TRHDE: variants seen among roughly 807,000 people sequenced by gnomAD.
TRHDE encodes thyrotropin releasing hormone degrading enzyme.
TRHDE carries 72 observed loss-of-function variants against 125.7 expected under a neutral mutation model. The ratio of observed to expected loss-of-function variants is 0.57; its 90% confidence interval spans 0.47 to 0.70. The LOEUF (loss-of-function observed/expected upper bound fraction) is 0.70, where lower values mean the gene tolerates loss of function less well. Among genes scored for constraint, TRHDE ranks in the 30% least tolerant of loss-of-function variants. The pLI, the probability that TRHDE is intolerant of heterozygous loss-of-function variation, is 0.00. For missense variants in TRHDE, 1,110 were observed against 1,327.1 expected, an observed-to-expected ratio of 0.84 and a Z score of 2.54; for synonymous variants, 509 against 509.1, an observed-to-expected ratio of 1.00 and a Z score of 0.00.
chr12:72,295,162 G>C (rs1210086107), intron 2 of TRHDE, among the ~76,000 whole-genome samples: 9 of 147,102 alleles, frequency 6.1e-5, no homozygotes, highest in African/African-American at 2.2e-4. Context: ...TTGGGGGGTG[G>C]GAGGGGTTGC....
At position 72,327,442 on chromosome 12, in the gene TRHDE, T is replaced by C. The variant is rs1234477854; in HGVS notation, c.1188+40488T>C. 2.0e-5 allele frequency among the ~76,000 whole-genome samples: 3 copies of C among 152,182 alleles called. No individual in the cohort carries two copies. The South Asian group carries it at 6.2e-4, about 31-fold the overall frequency. Reference sequence around the variant, plus strand: ...TCTCCTGGTTAAAGAATTTAGGTTATGTTTATGATGTTCTAAAACTGTTTG... The same window carrying C: ...TCTCCTGGTTAAAGAATTTAGGTTACGTTTATGATGTTCTAAAACTGTTTG... On this transcript the variant is annotated intron_variant, in intron 2 of 18. Transcript: ENST00000261180.
At chr12:72,208,652 T>C (rs1021299964) in intron 2 of TRHDE, among the ~76,000 whole-genome samples, 2 of 152,212 alleles carry the variant, frequency 1.3e-5, no homozygotes, top group Admixed American at 1.3e-4. Context: ...ATAATAATAG[T>C]ATCTATCTCA....
intron 18 of TRHDE, among the ~76,000 whole-genome samples, chr12:72,658,212 A>G (rs1268338858): frequency 6.6e-6 from 1 of 152,222 alleles, no homozygotes; most frequent in Non-Finnish European, 1.5e-5. Flanking sequence ...AAAGGAAGCT[A>G]AATGGAAAGG....
chr12:72,499,066 G>T (rs1878037726), intron 5 of TRHDE, among the ~76,000 whole-genome samples: 1 of 151,912 alleles, frequency 6.6e-6, no homozygotes, highest in Non-Finnish European at 1.5e-5. Flanking sequence ...AATGTTACTA[G>T]AAATCATGGT....
rs535191054 is a variant in TRHDE, at chr12:72,103,595, C to T, written n.175-2053C>T. Among the ~76,000 whole-genome samples the T allele has an allele frequency of 5.9e-5, 9 of 152,194 alleles. No homozygotes were observed. In the South Asian group the frequency reaches 1.9e-3, roughly 32 times the overall value. On this transcript the variant is annotated intron_variant and non_coding_transcript_variant, in intron 1 of 4. Coordinates refer to the TRHDE transcript ENST00000548156. ...ATGAGGAATAGAGGCATCTATTTTT[C>T]TGTGTTTCCACAGTCCTCATTCCTT...
intron 10 of TRHDE, among the ~76,000 whole-genome samples, chr12:72,568,864 C>A (rs1870584850): frequency 6.6e-6 from 1 of 152,002 alleles, no homozygotes; most frequent in Non-Finnish European, 1.5e-5. Context: ...TTATTTGTTT[C>A]TTTAATGGTA....
intron 15 of TRHDE, among the ~76,000 whole-genome samples, chr12:72,647,553 A>C (rs1874331647): frequency 1.3e-5 from 2 of 152,020 alleles, no homozygotes; most frequent in South Asian, 4.1e-4. Context: ...TTAATGAAAA[A>C]GAGAGAAGAC....
At chr12:72,135,547 A>ATT (rs1179034050) in intron 2 of TRHDE, among the ~76,000 whole-genome samples, 3 of 147,236 alleles carry the variant, frequency 2.0e-5, no homozygotes, top group Non-Finnish European at 4.5e-5. Context: ...GTGTGTAAAC[A>ATT]TGTTTTTTTT....
At chr12:72,240,611 C>T (rs972240351) in intron 2 of TRHDE, among the ~76,000 whole-genome samples, 8 of 151,816 alleles carry the variant, frequency 5.3e-5, no homozygotes, top group African/African-American at 1.9e-4. Context: ...ACTTTGTCAC[C>T]CAGGCTGGAG....
chr12:72,624,606 A>G (rs1002773430), intron 15 of TRHDE, among the ~76,000 whole-genome samples: 1 of 151,940 alleles, frequency 6.6e-6, no homozygotes, highest in Non-Finnish European at 1.5e-5. Context: ...CAAAAAGTAC[A>G]ATGAATAGCT....
intron 2 of TRHDE, among the ~76,000 whole-genome samples, chr12:72,213,438 C>A (rs1442657994): frequency 6.6e-6 from 1 of 152,130 alleles, no homozygotes; most frequent in African/African-American, 2.4e-5. Flanking sequence ...TTAAATGCTA[C>A]AATAAAGTGT....
chr12:72,129,200 T>C (rs998132425), intron 2 of TRHDE, among the ~76,000 whole-genome samples: 1 of 152,166 alleles, frequency 6.6e-6, no homozygotes, highest in Non-Finnish European at 1.5e-5. Flanking sequence ...TAAAGAGGAT[T>C]TGAAACATCT....
chr12:72,318,234 T>G (rs1455291795), intron 2 of TRHDE, among the ~76,000 whole-genome samples: 1 of 152,096 alleles, frequency 6.6e-6, no homozygotes, highest in African/African-American at 2.4e-5. Flanking sequence ...GTTGGATGAT[T>G]TTGTGGAGAG....
chr12:72,209,081 T>A (rs186988435), intron 2 of TRHDE, among the ~76,000 whole-genome samples: 90 of 152,322 alleles, frequency 5.9e-4, no homozygotes, highest in African/African-American at 1.9e-3. Flanking sequence ...CTTCCACATG[T>A]CTTCTGCTTA....
intron 12 of TRHDE, among the ~76,000 whole-genome samples, chr12:72,598,858 G>GT (rs1872090352): frequency 6.6e-6 from 1 of 151,954 alleles, no homozygotes; most frequent in South Asian, 2.1e-4. Flanking sequence ...TCAACAGTAA[G>GT]TTTTTTAACC....
chr12:72,488,480 C>T (rs1015947006), intron 5 of TRHDE, among the ~76,000 whole-genome samples: 1 of 151,884 alleles, frequency 6.6e-6, no homozygotes, highest in Non-Finnish European at 1.5e-5. Flanking sequence ...TGTGTATGCA[C>T]CCAACACTGG....
chr12:72,663,108 T>C lies in TRHDE; in HGVS notation c.3123T>C (p.Ala1041=), dbSNP rs747854612. Residue 1041 remains alanine, a synonymous_variant, in exon 19 of 19, where the codon GCT becomes GCC. Transcript: ENST00000261180. The part of the protein sequence containing the change: ...DGVAAASFSR[A]VETVEANVRW... Reference sequence around the variant, plus strand: ...TAGCTGCTGCTTCTTTCTCACGAGCTGTGGAAACTGTCGAAGCCAATGTGC... The same window carrying C: ...TAGCTGCTGCTTCTTTCTCACGAGCCGTGGAAACTGTCGAAGCCAATGTGC... The C allele has an allele frequency of 1.7e-5, 27 of 1,613,256 alleles. No individual in the cohort carries two copies. The highest frequency in any genetic ancestry group is 2.2e-5 in the Non-Finnish European group (26 of 1,179,510).
intron 1 of TRHDE, among the ~76,000 whole-genome samples, chr12:72,282,011 A>G (rs1267863966): frequency 6.6e-6 from 1 of 152,236 alleles, no homozygotes; most frequent in Admixed American, 6.5e-5. Flanking sequence ...GAGAATTAAA[A>G]TACATGTATG....
chr12:72,316,754 T>C (rs1335033289), intron 2 of TRHDE, among the ~76,000 whole-genome samples: 2 of 152,198 alleles, frequency 1.3e-5, no homozygotes, highest in Non-Finnish European at 2.9e-5. Flanking sequence ...GATTAATCTA[T>C]TTAAAAAATA....
Sources: gnomAD v4.1 joint callset for allele counts (sites outside exome capture counted in the v4.1 genomes callset) on GRCh38, gnomAD v4.1.1 for gene constraint, MANE v1.5 for transcripts, NCBI Gene and HGNC (gene_info 2026-07-23, HGNC 2026-07-21) for gene names.